The following CC2D1B variants were observed in gnomAD, a reference collection of about 807,000 sequenced individuals.
CC2D1B encodes the protein coiled-coil and C2 domain-containing protein 1B.
In CC2D1B, 92 loss-of-function variants were observed where a neutral mutation model predicts 110.8. The observed-to-expected ratio is 0.83, with a 90% CI of 0.70 to 0.99. The LOEUF (loss-of-function observed/expected upper bound fraction) is 0.99. Ranked by LOEUF, CC2D1B falls within the 50% of genes least tolerant of loss-of-function variation. CC2D1B has a pLI of 0.00. For synonymous variants in CC2D1B, 406 were observed against 429.2 expected (o/e 0.95, Z 0.67); for missense variants, 1,136 against 1,089.0 (o/e 1.04, Z -0.61).
At chr1:52,358,846 G>A (rs894532217) in intron 11 of CC2D1B, 88 bp from the exon 12 acceptor site, 3 of 1,464,764 alleles carry the variant, frequency 2.0e-6, no homozygotes, top group Non-Finnish European at 2.8e-6. Flanking sequence ...CAAGGAGAGG[G>A]AGACTGGTGG....
chr1:52,360,335 G>C, intron 6 of CC2D1B, 89 bp downstream of exon 6: 1 of 1,594,198 alleles, frequency 6.3e-7, no homozygotes, highest in Non-Finnish European at 8.5e-7. Flanking sequence ...AGTCTGGTGG[G>C]GTGACCTCCC....
intron 4 of CC2D1B, 26 bp from the exon 5 acceptor site, chr1:52,361,158 A>G: frequency 1.2e-6 from 2 of 1,613,530 alleles, no homozygotes; most frequent in South Asian, 1.1e-5. Flanking sequence ...ACAGCCCAGG[A>G]GCTTGGGGGC....
In CC2D1B at chr1:52,361,003, C is replaced by G; in HGVS notation, c.448G>C (p.Val150Leu). The G allele has an allele frequency of 6.2e-7, 1 of 1,614,146 alleles. No homozygotes were observed. The highest frequency in any genetic ancestry group is 8.5e-7 in the Non-Finnish European group (1 of 1,180,016). The stretch of plus-strand genomic sequence containing the variant: ...GCTGCTGGGGCTGAAGCTGTCAGGA[C>G]GGCTGTCTGCACTGGAGGTTCAGTG... ...EDTEPPVQTA[V>L]LTASAPAAQA... The change falls in exon 5 of 25, where the codon GTC (valine) becomes CTC (leucine). Residue 150 changes from valine (V) to leucine (L), a missense_variant. Transcript: ENST00000284376.
At position 52,353,564 on chromosome 1, in the gene CC2D1B, C is replaced by G; in HGVS notation, c.2514G>C (p.Gln838His). ...LREPLSGQDV[Q>H]MVTENWLVLE... Reference sequence around the variant, plus strand: ...GAACCAGCCAGTTCTCAGTGACCATCTGCACATCCTGGCCACTCAGAGGCT... The same window carrying G: ...GAACCAGCCAGTTCTCAGTGACCATGTGCACATCCTGGCCACTCAGAGGCT... Residue 838 changes from glutamine (Q) to histidine (H), a missense_variant, in exon 24 of 25, where the codon CAG becomes CAC. Physicochemically the swap from Gln to His is conservative, Grantham distance 24. Coordinates refer to ENST00000284376, the MANE Select transcript of CC2D1B (RefSeq NM_001330585.2). 1.2e-6 allele frequency: 2 copies of G among 1,614,132 alleles called. No homozygotes were observed. The highest frequency in any genetic ancestry group is 1.7e-6 in the Non-Finnish European group (2 of 1,180,000).
At chr1:52,362,808 G>GTCCT in intron 2 of CC2D1B, 62 bp from the exon 3 acceptor site, 1 of 1,569,052 alleles carries the variant, frequency 6.4e-7, no homozygotes, top group Non-Finnish European at 8.7e-7. Flanking sequence ...CAGCTCCAGA[G>GTCCT]CCAGACTTGG....
At chr1:52,361,472 G>C in intron 4 of CC2D1B, 41 bp downstream of exon 4, 3 of 1,611,562 alleles carry the variant, frequency 1.9e-6, no homozygotes, top group Non-Finnish European at 2.5e-6. Flanking sequence ...CCAGGCCCAA[G>C]CTTGCCTCAG....
At position 52,362,620 on chromosome 1, in the gene CC2D1B, GCTT is replaced by G. The variant is rs751597474; in HGVS notation, c.193_195del (p.Lys65del). On this transcript the variant is annotated inframe_deletion, in exon 3 of 25. Transcript: ENST00000284376. ...AACTCACCCTGCCCCTTGGGTGCTG[GCTT>G]CTTGCCTGTGGTTTGTGCTTCCCCT... is the stretch of plus-strand genomic sequence containing the variant. The G allele has an allele frequency of 2.4e-5, 38 of 1,614,180 alleles. No individual in the cohort carries two copies. In the African/African-American group the frequency reaches 4.7e-4, roughly 20 times the overall value.
At chr1:52,362,032 T>G (rs1346099347) in intron 3 of CC2D1B, among the ~76,000 whole-genome samples, 1 of 152,230 alleles carries the variant, frequency 6.6e-6, no homozygotes, top group Non-Finnish European at 1.5e-5. Flanking sequence ...ACTGCAATCC[T>G]TAAGTGGCAG....
chr1:52,361,668 T>G (rs775768399), intron 3 of CC2D1B, 52 bp from the exon 4 acceptor site: 18 of 1,607,606 alleles, frequency 1.1e-5, no homozygotes. Flanking sequence ...AGTTCAGGGA[T>G]GAGTAAAGGA....
At chr1:52,364,510 T>A in intron 2 of CC2D1B, 42 bp downstream of exon 2, 2 of 1,443,814 alleles carry the variant, frequency 1.4e-6, no homozygotes, top group East Asian at 2.3e-5. Flanking sequence ...GGGACCCCCA[T>A]CCCCAAACCG....
chr1:52,362,647 C>T lies in CC2D1B; in HGVS notation c.169G>A (p.Gly57Arg), dbSNP rs781184065. ...DLEAELLALT[G>R]EAQTTGKKPA... is the part of the protein sequence containing the mutation. ...TTCTTGCCTGTGGTTTGTGCTTCCC[C>T]TGTGAGAGCCAGCAGCTCAGCCTCC... The change falls in exon 3 of 25, where the codon GGG (glycine) becomes AGG (arginine). Residue 57 changes from glycine (G) to arginine (R), a missense_variant. Coordinates refer to ENST00000284376, the MANE Select transcript of CC2D1B (RefSeq NM_001330585.2). The T allele has an allele frequency of 1.2e-6, 2 of 1,614,192 alleles. No homozygotes were observed. Among genetic ancestry groups the T allele is most frequent in the Non-Finnish European group, 1.7e-6 (2 of 1,180,038 alleles).
chr1:52,355,116 C>CT (rs1005363222), intron 21 of CC2D1B, among the ~76,000 whole-genome samples, 177 bp from the exon 22 acceptor site: 20 of 152,250 alleles, frequency 1.3e-4, no homozygotes, highest in Middle Eastern at 3.4e-3. Context: ...TTTTTGTACT[C>CT]TTTTTAGTCA....
rs1247661947 is a variant in CC2D1B at position 52,357,584 on chromosome 1, T to C, written c.1694A>G (p.Lys565Arg). Residue 565 changes from lysine (K) to arginine (R), a missense_variant, in exon 15 of 25, where the codon AAA becomes AGA. Physicochemically the swap from Lys to Arg is conservative, Grantham distance 26 (BLOSUM62 2). Coordinates refer to ENST00000284376, the MANE Select transcript of CC2D1B (RefSeq NM_001330585.2). ...EQAKAYLRVAKWLEAQIIQAR... is the reference protein window; with the variant it reads ...EQAKAYLRVARWLEAQIIQAR... ...CTGGATGATCTGAGCCTCAAGCCAT[T>C]TGGCTACCCGCAGATAGGCTTTGGC... is the stretch of plus-strand genomic sequence containing the variant. The C allele has an allele frequency of 1.3e-6, 2 of 1,586,016 alleles. No individual in the cohort carries two copies. The highest frequency in any genetic ancestry group is 1.3e-5 in the African/African-American group (1 of 74,558).
intron 2 of CC2D1B, among the ~76,000 whole-genome samples, chr1:52,363,597 C>A (rs763741469): frequency 6.6e-6 from 1 of 152,004 alleles, no homozygotes; most frequent in Non-Finnish European, 1.5e-5. Flanking sequence ...AACATTAACC[C>A]CCCTTCCTCC....
rs768265762 is a variant in CC2D1B at position 52,356,190 on chromosome 1, C to T, written c.2050G>A (p.Val684Met). ...TGTTTCCCTAGGCCTTGGTACCTCA[C>T]AGTCTGGAATGTCTTCAACTCAAAG... Reference protein sequence around the residue: ...HHFELKTFQTVRIFSELNSTE... With the variant: ...HHFELKTFQTMRIFSELNSTE... The change falls in exon 18 of 25, where the codon GTG (valine) becomes ATG (methionine). Residue 684 changes from valine to methionine, a missense_variant. Transcript: ENST00000284376. 6.2e-7 allele frequency: 1 copy of T among 1,611,532 alleles called. No homozygotes were observed. The highest frequency in any genetic ancestry group is 8.5e-7 in the Non-Finnish European group (1 of 1,177,746).
chr1:52,352,980 G>T lies in CC2D1B; in HGVS notation c.*245C>A. The T allele has an allele frequency of 2.7e-6, 1 of 374,462 alleles. No homozygotes were observed. 23.2% of individuals were successfully genotyped at this position (374,462 alleles called of 1,614,324 possible). The stretch of plus-strand genomic sequence containing the variant: ...ATGGAAGTGTCCTTGCCCTCTTCCA[G>T]ACTCGGGGCAGGGGGAGACAGCGGG... On this transcript the variant is annotated 3_prime_UTR_variant, in exon 25 of 25. Transcript: ENST00000284376.
At chr1:52,353,736 G>A (rs903680750) in intron 23 of CC2D1B, 89 bp from the exon 24 acceptor site, 6 of 949,702 alleles carry the variant, frequency 6.3e-6, no homozygotes, top group Non-Finnish European at 9.5e-6. Flanking sequence ...AGAAGTGAGA[G>A]GAGCTAAGAT....
rs745797481 is a variant in CC2D1B at position 52,356,385 on chromosome 1, G to A, written c.1936C>T (p.Arg646Ter). 8.1e-6 allele frequency: 13 copies of A among 1,614,022 alleles called. No homozygotes were observed. Among genetic ancestry groups the A allele is most frequent in the East Asian group, 6.7e-5 (3 of 44,894 alleles). Residue 646 changes from arginine (R) to a stop codon, truncating the protein, a stop_gained and splice_region_variant, in exon 17 of 25, where the codon CGA becomes TGA. Transcript: ENST00000284376. LOFTEE classifies it high-confidence loss of function. The part of the protein sequence containing the change: ...MHQGNVAETT[R>*]FEKLAQDRKK... ...CCCAGCCCCAGCCCTTGCACTTACC[G>A]GGTGGTCTCAGCCACGTTGCCCTGG...
rs2147887166 is a variant in CC2D1B, at chr1:52,353,028, C to T, written c.*197G>A. On this transcript the variant is annotated 3_prime_UTR_variant, in exon 25 of 25. Transcript: ENST00000284376. ...GGGGAGATGGGCTCCTGGAACCCAG[C>T]CTGTTTCTGTAGAGCCCCAGAGGGG... 1 of 455,302 alleles carries T rather than the reference C, an allele frequency of 2.2e-6. No individual in the cohort carries two copies. Among genetic ancestry groups the T allele is most frequent in the Non-Finnish European group, 4.0e-6 (1 of 250,198 alleles). The allele number at this position is 455,302 out of a possible 1,614,324, so 28.2% of individuals were successfully genotyped here.
Sources: gnomAD v4.1 joint callset for allele counts (sites outside exome capture counted in the v4.1 genomes callset) on GRCh38, gnomAD v4.1.1 for gene constraint, MANE v1.5 for transcripts, NCBI Gene and HGNC (gene_info 2026-07-23, HGNC 2026-07-21) for gene names.